The following CAVIN2 variants were observed in gnomAD, a reference collection of about 807,000 sequenced individuals.
CAVIN2 encodes the protein caveolae-associated protein 2.
A neutral mutation model predicts 11.7 loss-of-function variants in CAVIN2; 13 were observed. The observed-to-expected ratio is 1.11, with a 90% confidence interval of 0.72 to 1.77. The LOEUF is 1.77. Ranked by LOEUF, CAVIN2 falls within the 40% of genes most tolerant of loss-of-function variation. The pLI is 0.00. For synonymous variants in CAVIN2, 237 were observed against 223.2 expected (o/e 1.06, Z -0.55); for missense variants, 549 against 542.9 (o/e 1.01, Z -0.11).
In CAVIN2 at chr2:191,835,899, C is replaced by T. The variant is rs1368702441; in HGVS notation, c.*24G>A. 2 of 1,596,590 alleles carry T rather than the reference C, an allele frequency of 1.3e-6. No individual in the cohort carries two copies. The highest frequency in any genetic ancestry group is 2.2e-5 in the East Asian group (1 of 44,816). ...CCTGGCTGCCCGCTTGAGCACAGCA[C>T]AGGATGGCACGGTGGCTCTAAGCTC... is the stretch of plus-strand genomic sequence containing the variant. On this transcript the variant is annotated 3_prime_UTR_variant, in exon 2 of 2. Transcript: ENST00000304141.
Position 191,846,603 on chromosome 2 carries a change from C to G in CAVIN2, c.323G>C (p.Ser108Thr). 1 of 1,614,278 alleles carries G rather than the reference C, an allele frequency of 6.2e-7. No homozygotes were observed. The highest frequency in any genetic ancestry group is 2.2e-5 in the East Asian group (1 of 44,890). The change falls in exon 1 of 2, where the codon AGC becomes ACC. Residue 108 changes from serine (S) to threonine (T), a missense_variant. Physicochemically the swap from Ser to Thr is moderately conservative, Grantham distance 58 (BLOSUM62 1). Transcript: ENST00000304141. ...CTCCAGCAGCTTGCTCACCGTGTTG[C>G]TGGTGGAGGCCTGGTACTTGGAGAG... ...TKLSKYQASTSNTVSKLLEKS... is the reference protein window; with the variant it reads ...TKLSKYQASTTNTVSKLLEKS...
rs1052317111 is a variant in CAVIN2 at position 191,835,342 on chromosome 2, C to G, written c.*581G>C. 6.6e-6 allele frequency: 1 copy of G among 152,116 alleles called. No homozygotes were observed. Among genetic ancestry groups the G allele is most frequent in the Non-Finnish European group, 1.5e-5 (1 of 68,038 alleles). 9.4% of individuals were successfully genotyped at this position (152,116 alleles called of 1,614,324 possible). A position where few individuals can be genotyped will look rare whatever the true frequency, so the allele number is the denominator to read the frequency against. ...TACTTCATTAGCTGACTTTTATAAT[C>G]TCTTCATTTTTCCTTCGTTTGCAAT... is the stretch of plus-strand genomic sequence containing the variant. On this transcript the variant is annotated 3_prime_UTR_variant, in exon 2 of 2. Coordinates refer to ENST00000304141, the MANE Select transcript of CAVIN2 (RefSeq NM_004657.6).
At chr2:191,840,543 A>G (rs1690078807) in intron 1 of CAVIN2, among the ~76,000 whole-genome samples, 1 of 152,216 alleles carries the variant, frequency 6.6e-6, no homozygotes, top group African/African-American at 2.4e-5. Context: ...CATAAAAATG[A>G]ATGGAAAGAA....
intron 1 of CAVIN2, among the ~76,000 whole-genome samples, chr2:191,843,592 C>T (rs1326004207): frequency 6.6e-6 from 1 of 152,140 alleles, no homozygotes; most frequent in African/African-American, 2.4e-5. Context: ...GATTCCTTTG[C>T]TTTCATGGAG....
At position 191,836,018 on chromosome 2, in the gene CAVIN2, A is replaced by G; in HGVS notation, c.1183T>C (p.Tyr395His). 6.2e-7 allele frequency: 1 copy of G among 1,614,130 alleles called. No individual in the cohort carries two copies. Among genetic ancestry groups the G allele is most frequent in the Non-Finnish European group, 8.5e-7 (1 of 1,180,022 alleles). ...GATGTTAGCGCGTAGCTACCCTCAT[A>G]GCGTACCTTCTGTGCCTGTTCCAGG... The part of the protein sequence containing the change: ...VALEQAQKVR[Y>H]EGSYALTSEE... Residue 395 changes from tyrosine (Y) to histidine (H), a missense_variant, in exon 2 of 2, where the codon TAT becomes CAT. Transcript: ENST00000304141.
chr2:191,839,627 A>C (rs950119671), intron 1 of CAVIN2, among the ~76,000 whole-genome samples: 2 of 152,216 alleles, frequency 1.3e-5, no homozygotes, highest in African/African-American at 2.4e-5. Flanking sequence ...GCCAGCTATA[A>C]AAATAAACCC....
At chr2:191,844,949 T>G (rs114156845) in intron 1 of CAVIN2, among the ~76,000 whole-genome samples, 1 of 152,166 alleles carries the variant, frequency 6.6e-6, no homozygotes, top group African/African-American at 2.4e-5. Context: ...AAAATTTCCT[T>G]TGGTGTCTCA....
chr2:191,845,900 A>G (rs1283313391), intron 1 of CAVIN2, among the ~76,000 whole-genome samples: 1 of 152,194 alleles, frequency 6.6e-6, no homozygotes, highest in Non-Finnish European at 1.5e-5. Flanking sequence ...TTAAAAGAAC[A>G]AGGCTAACTC....
At chr2:191,844,077 AT>A (rs1455178466) in intron 1 of CAVIN2, among the ~76,000 whole-genome samples, 1 of 151,964 alleles carries the variant, frequency 6.6e-6, no homozygotes, top group Non-Finnish European at 1.5e-5. Context: ...TAAGTGCTTG[AT>A]TTTTTTTGCT....
Position 191,836,052 on chromosome 2 carries a change from C to G in CAVIN2, c.1149G>C (p.Glu383Asp). The G allele has an allele frequency of 3.7e-6, 6 of 1,614,218 alleles. No individual in the cohort carries two copies. The highest frequency in any genetic ancestry group is 4.2e-6 in the Non-Finnish European group (5 of 1,180,024). ...DLTIVEDEEEESVALEQAQKV... is the reference protein window; with the variant it reads ...DLTIVEDEEEDSVALEQAQKV... ...TCTGTGCCTGTTCCAGGGCCACTGA[C>G]TCCTCCTCTTCATCTTCCACAATAG... is the stretch of plus-strand genomic sequence containing the variant. The change falls in exon 2 of 2, where the codon GAG becomes GAC. Residue 383 changes from glutamate (E) to aspartate (D), a missense_variant. Transcript: ENST00000304141.
chr2:191,844,964 T>C (rs1690144585), intron 1 of CAVIN2, among the ~76,000 whole-genome samples: 1 of 152,208 alleles, frequency 6.6e-6, no homozygotes, highest in Admixed American at 6.5e-5. Flanking sequence ...GTCTCAGACT[T>C]AAACAGGTCT....
Position 191,836,255 on chromosome 2 carries a change from C to G in CAVIN2, c.946G>C (p.Glu316Gln). Residue 316 changes from glutamate to glutamine, a missense_variant, in exon 2 of 2, where the codon GAA (glutamate) becomes CAA (glutamine). Glu to Gln is a conservative substitution (Grantham distance 29). Transcript: ENST00000304141. ...ESHAENETKS[E>Q]DLPSSEQMPN... The stretch of plus-strand genomic sequence containing the variant: ...ATCTGCTCACTGCTAGGCAGGTCTT[C>G]TGACTTGGTCTCATTTTCTGCATGG... The G allele has an allele frequency of 6.2e-7, 1 of 1,614,112 alleles. No homozygotes were observed. The highest frequency in any genetic ancestry group is 8.5e-7 in the Non-Finnish European group (1 of 1,180,034).
intron 1 of CAVIN2, among the ~76,000 whole-genome samples, chr2:191,837,687 C>T (rs1168985007): frequency 6.6e-6 from 1 of 152,182 alleles, no homozygotes; most frequent in Non-Finnish European, 1.5e-5. Flanking sequence ...CAACATTGCT[C>T]ACTGGGGAGT....
intron 1 of CAVIN2, 92 bp from the exon 2 acceptor site, chr2:191,836,809 C>T: frequency 8.2e-6 from 10 of 1,212,590 alleles, no homozygotes; most frequent in Non-Finnish European, 1.0e-5. Flanking sequence ...TTTGGAGACA[C>T]GGTGATGGTA....
chr2:191,836,692 A>G lies in CAVIN2; in HGVS notation c.509T>C (p.Val170Ala). 1.9e-6 allele frequency: 3 copies of G among 1,612,992 alleles called. No individual in the cohort carries two copies. The highest frequency in any genetic ancestry group is 2.5e-6 in the Non-Finnish European group (3 of 1,179,298). Residue 170 changes from valine to alanine, a missense_variant, in exon 2 of 2, where the codon GTG becomes GCG. Physicochemically the swap from Val to Ala is moderately conservative, Grantham distance 64. Transcript: ENST00000304141. ...FQEENEIPAS[V>A]FVKQPVSGAV... Reference sequence around the variant, plus strand: ...ACCGGAAACGGGCTGTTTCACAAACACGCTGGCAGGGATCTCATTTTCCTC... The same window carrying G: ...ACCGGAAACGGGCTGTTTCACAAACGCGCTGGCAGGGATCTCATTTTCCTC...
intron 1 of CAVIN2, among the ~76,000 whole-genome samples, chr2:191,845,373 G>A (rs1172228364): frequency 6.6e-6 from 1 of 152,354 alleles, no homozygotes; most frequent in East Asian, 1.9e-4. Flanking sequence ...TCTCTTGGGA[G>A]ATGAAGGCTT....
chr2:191,836,053 T>G lies in CAVIN2; in HGVS notation c.1148A>C (p.Glu383Ala). The G allele has an allele frequency of 6.2e-7, 1 of 1,614,204 alleles. No homozygotes were observed. Among genetic ancestry groups the G allele is most frequent in the Non-Finnish European group, 8.5e-7 (1 of 1,180,028 alleles). The change falls in exon 2 of 2, where the codon GAG becomes GCG. Residue 383 changes from glutamate (E) to alanine (A), a missense_variant. Glu to Ala is a moderately radical substitution (Grantham distance 107, BLOSUM62 -1). Transcript: ENST00000304141. Reference protein sequence around the residue: ...DLTIVEDEEEESVALEQAQKV... With the variant: ...DLTIVEDEEEASVALEQAQKV... The stretch of plus-strand genomic sequence containing the variant: ...CTGTGCCTGTTCCAGGGCCACTGAC[T>G]CCTCCTCTTCATCTTCCACAATAGT...
chr2:191,838,042 T>C (rs1407479609), intron 1 of CAVIN2, among the ~76,000 whole-genome samples: 1 of 152,238 alleles, frequency 6.6e-6, no homozygotes, highest in African/African-American at 2.4e-5. Context: ...CAGACCCCCC[T>C]GCCACCTCTC....
At chr2:191,839,112 G>T (rs1265698463) in intron 1 of CAVIN2, among the ~76,000 whole-genome samples, 1 of 152,200 alleles carries the variant, frequency 6.6e-6, no homozygotes, top group South Asian at 2.1e-4. Context: ...GGTTGAGAAG[G>T]TTTGACAGGA....
Sources: gnomAD v4.1 joint callset for allele counts (sites outside exome capture counted in the v4.1 genomes callset) on GRCh38, gnomAD v4.1.1 for gene constraint, MANE v1.5 for transcripts, NCBI Gene and HGNC (gene_info 2026-07-23, HGNC 2026-07-21) for gene names.